GRIN1: variants seen among roughly 807,000 people sequenced by gnomAD.
GRIN1 encodes glutamate ionotropic receptor NMDA type subunit 1.
A neutral mutation model predicts 103.0 loss-of-function variants in GRIN1; 38 were observed. That is an observed-to-expected ratio of 0.37 (90% CI 0.28 to 0.48). The LOEUF is 0.48. Ranked by LOEUF, GRIN1 falls within the 20% of genes least tolerant of loss-of-function variation. The probability of loss-of-function intolerance (pLI) is 0.98; values close to 1 mark genes in which losing one functional copy is unlikely to be tolerated. For synonymous variants in GRIN1, 544 were observed against 532.7 expected, an observed-to-expected ratio of 1.02 and a Z score of -0.29; for missense variants, 577 against 1,288.9, an observed-to-expected ratio of 0.45 and a Z score of 8.46.
At chr9:137,161,760 G>T (rs1833565197) in intron 10 of GRIN1, among the ~76,000 whole-genome samples, 164 bp from the exon 11 acceptor site, 1 of 151,172 alleles carries the variant, frequency 6.6e-6, no homozygotes, top group Admixed American at 6.6e-5. Flanking sequence ...CGTGGGAGGG[G>T]TCTGCGAGCC....
intron 4 of GRIN1, among the ~76,000 whole-genome samples, chr9:137,151,287 C>T (rs1373629242): frequency 1.3e-5 from 2 of 149,190 alleles, no homozygotes; most frequent in African/African-American, 5.0e-5. Flanking sequence ...AAAAAAGACC[C>T]GCCCAGGAAA....
At chr9:137,158,844 C>T (rs544309744) in intron 8 of GRIN1, 140 bp downstream of exon 8, 23 of 694,858 alleles carry the variant, frequency 3.3e-5, no homozygotes, top group South Asian at 2.5e-4. Flanking sequence ...CCCTGGACAC[C>T]GTCCAGCACA....
intron 4 of GRIN1, among the ~76,000 whole-genome samples, chr9:137,155,286 C>T (rs760030643): frequency 6.6e-6 from 1 of 152,232 alleles, no homozygotes; most frequent in East Asian, 1.9e-4. Flanking sequence ...TGCCATGACA[C>T]GTGTGGTGTT....
At chr9:137,154,445 T>A in intron 4 of GRIN1, among the ~76,000 whole-genome samples, 1 of 59,862 alleles carries the variant, frequency 1.7e-5, no homozygotes, top group Non-Finnish European at 4.3e-5. Context: ...TTTTTTTTTT[T>A]TTTTTTTTTT....
At chr9:137,160,927 G>A in intron 8 of GRIN1, 129 bp from the exon 9 acceptor site, 2 of 1,207,090 alleles carry the variant, frequency 1.7e-6, no homozygotes, top group Non-Finnish European at 2.4e-6. Flanking sequence ...CGGCGGCGCA[G>A]GGCGGGGGGT....
intron 19 of GRIN1, among the ~76,000 whole-genome samples, chr9:137,166,423 C>A (rs1833880801): frequency 6.6e-6 from 1 of 152,260 alleles, no homozygotes; most frequent in South Asian, 2.1e-4. Context: ...GTCCAGGGAC[C>A]AGTCTGGCCC....
chr9:137,165,746 C>T (rs920692680), intron 19 of GRIN1, among the ~76,000 whole-genome samples: 2 of 152,242 alleles, frequency 1.3e-5, no homozygotes, highest in Admixed American at 6.5e-5. Context: ...GCCCTCACTT[C>T]GCCCCTGCGA....
Position 137,148,929 on chromosome 9 carries a change from C to T in GRIN1, c.571-80C>T, listed in dbSNP as rs760231537. 12 of 1,036,014 alleles carry T rather than the reference C, an allele frequency of 1.2e-5. No homozygotes were observed. The East Asian group carries it at 1.3e-4, about 11-fold the overall frequency. 64.2% of individuals were successfully genotyped at this position (1,036,014 alleles called of 1,614,324 possible). A position where few individuals can be genotyped will look rare whatever the true frequency, so the allele number is the denominator to read the frequency against. On this transcript the variant is annotated intron_variant, in intron 3 of 19. Transcript: ENST00000371561. The stretch of plus-strand genomic sequence containing the variant: ...AGCTAAGCTGCCTCGGGGTTCCCAG[C>T]GGCTCCGGCCCAACTCTCACCCCTG...
intron 2 of GRIN1, among the ~76,000 whole-genome samples, 172 bp from the exon 3 acceptor site, chr9:137,145,554 G>A (rs867201253): frequency 1.9e-4 from 10 of 51,862 alleles, no homozygotes; most frequent in Middle Eastern, 0.011. Context: ...TAGGGACGGG[G>A]TGGGAGACAC....
intron 19 of GRIN1, among the ~76,000 whole-genome samples, chr9:137,166,825 G>T (rs554542763): frequency 1.9e-4 from 29 of 152,372 alleles, no homozygotes; most frequent in African/African-American, 6.7e-4. Flanking sequence ...CAGGGAGGGG[G>T]AATAGCGCAG....
At chr9:137,154,091 C>A (rs1833074251) in intron 4 of GRIN1, among the ~76,000 whole-genome samples, 1 of 149,414 alleles carries the variant, frequency 6.7e-6, no homozygotes, top group Admixed American at 6.7e-5. Context: ...GCATTACAGG[C>A]ATGAGCCACC....
intron 2 of GRIN1, 72 bp downstream of exon 2, chr9:137,142,219 C>T (rs1588686613): frequency 1.5e-5 from 23 of 1,501,624 alleles, no homozygotes; most frequent in East Asian, 2.3e-5. Flanking sequence ...CCAGGAGCAG[C>T]GGGCCGACCC....
rs1423513108 is a variant in GRIN1 at position 137,163,605 on chromosome 9, C to A, written c.2380C>A (p.Arg794=). Residue 794 remains arginine, a synonymous_variant, in exon 17 of 20, where the codon CGG becomes AGG. Transcript: ENST00000371561. ...FMEDLDKTWV[R]YQECDSRSNA... is the part of the protein sequence containing the mutation. ...GGAAGACCTGGACAAGACGTGGGTT[C>A]GGTATCAGGAATGTGACTCGCGCAG... 1 of 1,613,544 alleles carries A rather than the reference C, an allele frequency of 6.2e-7. No individual in the cohort carries two copies.
chr9:137,142,198 G>A (rs755243179), intron 2 of GRIN1, 51 bp downstream of exon 2: 2 of 1,601,730 alleles, frequency 1.2e-6, no homozygotes, highest in East Asian at 4.5e-5. Context: ...CCAGGGCACA[G>A]CCTGGCCACT....
In GRIN1 at chr9:137,163,613, G is replaced by C. The variant is rs1451443463; in HGVS notation, c.2388G>C (p.Gln796His). 1 of 1,613,636 alleles carries C rather than the reference G, an allele frequency of 6.2e-7. No homozygotes were observed. The highest frequency in any genetic ancestry group is 8.5e-7 in the Non-Finnish European group (1 of 1,179,970). The stretch of plus-strand genomic sequence containing the variant: ...TGGACAAGACGTGGGTTCGGTATCA[G>C]GAATGTGACTCGCGCAGCAACGCCC... Reference protein sequence around the residue: ...EDLDKTWVRYQECDSRSNAPA... With the variant: ...EDLDKTWVRYHECDSRSNAPA... Residue 796 changes from glutamine to histidine, a missense_variant, in exon 17 of 20, where the codon CAG (glutamine) becomes CAC (histidine). Gln to His is a conservative substitution (Grantham distance 24). Around this residue, in one of 9 missense-constraint regions of GRIN1, gnomAD observed 13 missense variants for 100.3 expected, o/e 0.13. Coordinates refer to ENST00000371561, the MANE Select transcript of GRIN1 (RefSeq NM_007327.4).
At chr9:137,143,089 G>A (rs1381906096) in intron 2 of GRIN1, among the ~76,000 whole-genome samples, 1 of 152,230 alleles carries the variant, frequency 6.6e-6, no homozygotes, top group Non-Finnish European at 1.5e-5. Context: ...AGACCTGCAG[G>A]GCCACTTGGC....
At chr9:137,161,584 TGGGGTGGGCG>T (rs1833545285) in intron 10 of GRIN1, among the ~76,000 whole-genome samples, 168 bp downstream of exon 10, 1 of 20,978 alleles carries the variant, frequency 4.8e-5, no homozygotes, top group South Asian at 1.5e-3. Flanking sequence ...GGGTAAAGCA[TGGGGTGGGCG>T]GGGCCTGAGG....
intron 3 of GRIN1, chr9:137,148,306 G>A (rs1463951382): frequency 2.2e-5 from 18 of 815,682 alleles, no homozygotes; most frequent in Middle Eastern, 2.2e-4. Context: ...CCCAGCCGCC[G>A]AGCCGCAGGC....
At chr9:137,160,064 C>T (rs1473102738) in intron 8 of GRIN1, among the ~76,000 whole-genome samples, 1 of 152,250 alleles carries the variant, frequency 6.6e-6, no homozygotes, top group African/African-American at 2.4e-5. Flanking sequence ...CCCTTCCCCA[C>T]CCCCATGCCA....
Sources: gnomAD v4.1 joint callset for allele counts (sites outside exome capture counted in the v4.1 genomes callset) on GRCh38, gnomAD v4.1.1 for gene constraint, gnomAD v4.1.1 regional missense constraint, MANE v1.5 for transcripts, NCBI Gene and HGNC (gene_info 2026-07-23, HGNC 2026-07-21) for gene names.